PCNX4: variants seen among roughly 807,000 people sequenced by gnomAD.
PCNX4 encodes pecanex 4.
Under a neutral mutation model 107.2 loss-of-function variants are expected in PCNX4, and 103 were observed. That is an observed-to-expected ratio of 0.96 (90% CI 0.82 to 1.13). The LOEUF is 1.13. Among genes scored for constraint, PCNX4 ranks in the 50% most tolerant of loss-of-function variants. The probability of loss-of-function intolerance (pLI) is 0.00; values close to 1 mark genes in which losing one functional copy is unlikely to be tolerated. For missense variants in PCNX4, 1,528 were observed against 1,379.4 expected (o/e 1.11, Z -1.71); for synonymous variants, 541 against 481.7 (o/e 1.12, Z -1.61).
chr14:60,138,440 T>C lies in PCNX4; in HGVS notation c.*4219T>C, dbSNP rs1896267159. ...CAACTTAGCACATCCTAAGAAAAAA[T>C]AAAACACAAAAAGAAAATCATTAAA... On this transcript the variant is annotated 3_prime_UTR_variant, in exon 11 of 11. Coordinates refer to ENST00000406854, the MANE Select transcript of PCNX4 (RefSeq NM_001330177.2). 1 of 151,446 alleles carries C rather than the reference T, an allele frequency of 6.6e-6. No individual in the cohort carries two copies. 9.4% of individuals were successfully genotyped at this position (151,446 alleles called of 1,614,324 possible). A position where few individuals can be genotyped will look rare whatever the true frequency, so the allele number is the denominator to read the frequency against.
intron 1 of PCNX4, among the ~76,000 whole-genome samples, chr14:60,106,920 A>G (rs1204930956): frequency 1.3e-5 from 2 of 152,200 alleles, no homozygotes; most frequent in African/African-American, 4.8e-5. Flanking sequence ...AACCTATATT[A>G]TTTTATACTT....
rs1487011562 is a variant in PCNX4, at chr14:60,139,568, T to C, written c.*5347T>C. On this transcript the variant is annotated 3_prime_UTR_variant, in exon 11 of 11. Coordinates refer to ENST00000406854, the MANE Select transcript of PCNX4 (RefSeq NM_001330177.2). ...CAGCAGCCATGCAAAAATACGTAAA[T>C]ATGTAAAGATTGGAATAATACTTTA... 2 of 152,070 alleles carry C rather than the reference T, an allele frequency of 1.3e-5. No homozygotes were observed. The highest frequency in any genetic ancestry group is 4.8e-5 in the African/African-American group (2 of 41,446). 9.4% of individuals were successfully genotyped at this position (152,070 alleles called of 1,614,324 possible).
In PCNX4 at chr14:60,118,572, C is replaced by G; in HGVS notation, c.1822C>G (p.Gln608Glu). The change falls in exon 7 of 11, where the codon CAG (glutamine) becomes GAG (glutamate). Residue 608 changes from glutamine (Q) to glutamate (E), a missense_variant. Transcript: ENST00000406854. The stretch of plus-strand genomic sequence containing the variant: ...CTTGGTGGGGTTTCCCCGACCTATT[C>G]AGAGTTGGCCAGGAGCAGCAGGCAC... Reference protein sequence around the residue: ...VFLVGFPRPIQSWPGAAGTTA... With the variant: ...VFLVGFPRPIESWPGAAGTTA... 2 of 1,613,812 alleles carry G rather than the reference C, an allele frequency of 1.2e-6. No individual in the cohort carries two copies. Among genetic ancestry groups the G allele is most frequent in the Non-Finnish European group, 1.7e-6 (2 of 1,179,846 alleles).
Position 60,125,766 on chromosome 14 carries a change from G to A in PCNX4, c.3210G>A (p.Lys1070=). ...GTTTGGTATCTGATGAAAAGTGGAA[G>A]GAAGCAATTTTACAAGAAAAGCCAT... ...YIGLVSDEKW[K]EAILQEKPYL... is the part of the protein sequence containing the mutation. Residue 1070 remains lysine (K), a synonymous_variant, in exon 10 of 11, where the codon AAG becomes AAA. Transcript: ENST00000406854. 6.2e-7 allele frequency: 1 copy of A among 1,610,994 alleles called. No individual in the cohort carries two copies. The highest frequency in any genetic ancestry group is 8.5e-7 in the Non-Finnish European group (1 of 1,178,656).
intron 10 of PCNX4, among the ~76,000 whole-genome samples, chr14:60,127,036 A>C (rs1896067853): frequency 6.6e-6 from 1 of 152,228 alleles, no homozygotes; most frequent in Non-Finnish European, 1.5e-5. Context: ...TAACAACAAC[A>C]AAAGCTCTGA....
In PCNX4 at chr14:60,147,115, C is replaced by G. The variant is rs1896425580; in HGVS notation, c.*12894C>G. ...AGGCATGGTGGTGTGCGCCTATAGT[C>G]TCAGCTACTCAGGAGGCTGGGGTGG... On this transcript the variant is annotated 3_prime_UTR_variant, in exon 11 of 11. Transcript: ENST00000406854. 1 of 152,100 alleles carries G rather than the reference C, an allele frequency of 6.6e-6. No homozygotes were observed. Among genetic ancestry groups the G allele is most frequent in the African/African-American group, 2.4e-5 (1 of 41,396 alleles). The allele number at this position is 152,100 out of a possible 1,614,324, so 9.4% of individuals were successfully genotyped here. A position where few individuals can be genotyped will look rare whatever the true frequency, so the allele number is the denominator to read the frequency against.
intron 10 of PCNX4, 60 bp from the exon 11 acceptor site, chr14:60,133,910 T>C: frequency 1.2e-5 from 18 of 1,466,960 alleles, no homozygotes; most frequent in Non-Finnish European, 1.6e-5. Context: ...GAATAAAATA[T>C]AAAGACCTAA....
intron 8 of PCNX4, among the ~76,000 whole-genome samples, chr14:60,122,882 G>A (rs912025724): frequency 2.0e-5 from 3 of 152,130 alleles, no homozygotes; most frequent in African/African-American, 7.2e-5. Context: ...CTAAAAAGCT[G>A]TCTCTTTAGT....
intron 1 of PCNX4, among the ~76,000 whole-genome samples, chr14:60,106,754 G>A (rs367593758): frequency 1.2e-5 from 1 of 80,274 alleles, no homozygotes; most frequent in East Asian, 3.1e-4. Context: ...TAAACTGACT[G>A]GAAGAAAGGC....
intron 10 of PCNX4, among the ~76,000 whole-genome samples, chr14:60,131,213 A>G (rs1332535217): frequency 6.6e-6 from 1 of 152,240 alleles, no homozygotes; most frequent in Admixed American, 6.5e-5. Context: ...GCCTGAGCTA[A>G]GACACCAGAG....
Position 60,094,761 on chromosome 14 carries a change from GC to G in PCNX4, c.-54+2351del, listed in dbSNP as rs11421878. On this transcript the variant is annotated intron_variant, in intron 1 of 10. Transcript: ENST00000406854. ...TGCAATATACTTGTGTTGCTGTAGA[GC>G]CCCCCCCCACCCCCATCTTTCTTTA... Among the ~76,000 whole-genome samples the G allele has an allele frequency of 0.018, 1,912 of 107,150 alleles. 96 individuals are homozygous for G. In the East Asian group the frequency reaches 0.21, roughly 12 times the overall value. 70.3% of individuals were successfully genotyped at this position (107,150 alleles called of 152,430 possible).
rs759724417 is a variant in PCNX4 at position 60,144,887 on chromosome 14, A to C, written c.*10666A>C. 1 of 1,198,880 alleles carries C rather than the reference A, an allele frequency of 8.3e-7. No individual in the cohort carries two copies. The highest frequency in any genetic ancestry group is 1.5e-5 in the African/African-American group (1 of 64,622). The allele number at this position is 1,198,880 out of a possible 1,614,324, so 74.3% of individuals were successfully genotyped here. On this transcript the variant is annotated 3_prime_UTR_variant, in exon 11 of 11. Transcript: ENST00000406854. ...TAAAATCACAAATTAGTCTTTGATT[A>C]TTCAGAAGCATAAGAAGATTGCTGT...
rs1895886737 is a variant in PCNX4, at chr14:60,118,214, T to G, written c.1579-115T>G. The G allele has an allele frequency of 3.8e-6, 5 of 1,311,388 alleles. No individual in the cohort carries two copies. The East Asian group carries it at 1.4e-4, about 35-fold the overall frequency. The allele number at this position is 1,311,388 out of a possible 1,614,324, so 81.2% of individuals were successfully genotyped here. A position where few individuals can be genotyped will look rare whatever the true frequency, so the allele number is the denominator to read the frequency against. On this transcript the variant is annotated intron_variant, in intron 6 of 10. Transcript: ENST00000406854. Reference sequence around the variant, plus strand: ...AAAAAATCAAAGAATAAGATTTATTTCTTCAAAAATACTGGGGCAATAATA... The same window carrying G: ...AAAAAATCAAAGAATAAGATTTATTGCTTCAAAAATACTGGGGCAATAATA...
intron 10 of PCNX4, among the ~76,000 whole-genome samples, chr14:60,127,544 G>C (rs1896078264): frequency 3.3e-5 from 5 of 152,142 alleles, no homozygotes. Context: ...ACTTCAAACT[G>C]GGCAGGGTAT....
Position 60,115,291 on chromosome 14 carries a change from TGA to T in PCNX4, c.1188_1189del (p.Met396IlefsTer10), listed in dbSNP as rs1222137132. 3 of 1,609,842 alleles carry T rather than the reference TGA, an allele frequency of 1.9e-6. No individual in the cohort carries two copies. Among genetic ancestry groups the T allele is most frequent in the Non-Finnish European group, 2.5e-6 (3 of 1,176,932 alleles). On this transcript the variant is annotated frameshift_variant, in exon 4 of 11. Transcript: ENST00000406854. LOFTEE classifies it high-confidence loss of function. ...CAGGCTATTGTGGGCTATGGTTTGA[TGA>T]TATTACTTATAATACTGTGGATACT...
Position 60,143,463 on chromosome 14 carries a change from C to T in PCNX4, c.*9242C>T, listed in dbSNP as rs916334010. On this transcript the variant is annotated 3_prime_UTR_variant, in exon 11 of 11. Transcript: ENST00000406854. ...ATAGTTCACCCCGTTTCCTCCCCAT[C>T]CTAAGTAACTATTACCATACCTAAA... is the stretch of plus-strand genomic sequence containing the variant. 2 of 152,190 alleles carry T rather than the reference C, an allele frequency of 1.3e-5. No individual in the cohort carries two copies. Among genetic ancestry groups the T allele is most frequent in the African/African-American group, 4.8e-5 (2 of 41,424 alleles). 9.4% of individuals were successfully genotyped at this position (152,190 alleles called of 1,614,324 possible).
chr14:60,094,521 A>AC (rs1242557776), intron 1 of PCNX4, among the ~76,000 whole-genome samples: 5 of 152,060 alleles, frequency 3.3e-5, no homozygotes, highest in African/African-American at 1.2e-4. Flanking sequence ...TCCTTATCAT[A>AC]CCCTGCTAAG....
chr14:60,107,456 G>A (rs1895649236), intron 1 of PCNX4, 130 bp from the exon 2 acceptor site: 1 of 587,874 alleles, frequency 1.7e-6, no homozygotes, highest in African/African-American at 1.9e-5. Context: ...CCAGAAAGGG[G>A]TCTGAGAAGT....
chr14:60,093,042 T>C (rs1290674739), intron 1 of PCNX4, among the ~76,000 whole-genome samples: 1 of 152,226 alleles, frequency 6.6e-6, no homozygotes, highest in East Asian at 1.9e-4. Context: ...CCACCGCCAC[T>C]CACGCCAAAT....
Sources: allele counts gnomAD v4.1 joint callset (sites outside exome capture counted in the v4.1 genomes callset), GRCh38; gene constraint gnomAD v4.1.1; transcripts MANE v1.5; gene names NCBI Gene and HGNC (gene_info 2026-07-23, HGNC 2026-07-21).